JAKMIP2: variants seen among roughly 807,000 people sequenced by gnomAD.
The protein encoded by JAKMIP2 is janus kinase and microtubule-interacting protein 2.
A neutral mutation model predicts 115.0 loss-of-function variants in JAKMIP2; 25 were observed. That is an observed-to-expected ratio of 0.22 (90% confidence interval 0.16 to 0.30). The LOEUF (loss-of-function observed/expected upper bound fraction) is 0.30. JAKMIP2 is among the 10% of genes least tolerant of loss of function. The pLI is 1.00. For synonymous variants in JAKMIP2, 334 were observed against 343.6 expected (o/e 0.97, Z 0.31); for missense variants, 642 against 957.6 (o/e 0.67, Z 4.35).
At chr5:147,717,759 G>T (rs1307760845) in intron 1 of JAKMIP2, among the ~76,000 whole-genome samples, 3 of 143,962 alleles carry the variant, frequency 2.1e-5, no homozygotes, top group African/African-American at 7.7e-5. Context: ...GAGACAATGG[G>T]GTTTTCTAGA....
In JAKMIP2 at chr5:147,588,394, TCA is replaced by T. The variant is rs1048102866; in HGVS notation, c.*3311_*3312del. 5 of 151,038 alleles carry T rather than the reference TCA, an allele frequency of 3.3e-5. No homozygotes were observed. The highest frequency in any genetic ancestry group is 7.4e-5 in the Non-Finnish European group (5 of 67,822). 9.4% of individuals were successfully genotyped at this position (151,038 alleles called of 1,614,324 possible). A position where few individuals can be genotyped will look rare whatever the true frequency, so the allele number is the denominator to read the frequency against. ...TGCAGAAGTGGGGCCACAGGAAATC[TCA>T]GTTATTGATAACTTTTTTTTTTTTT... On this transcript the variant is annotated 3_prime_UTR_variant, in exon 22 of 22. Coordinates refer to ENST00000616793, the MANE Select transcript of JAKMIP2 (RefSeq NM_001270941.2).
chr5:147,665,498 G>C (rs1759250281), intron 2 of JAKMIP2, among the ~76,000 whole-genome samples: 1 of 152,174 alleles, frequency 6.6e-6, no homozygotes, highest in African/African-American at 2.4e-5. Context: ...TAGGCATCTG[G>C]AACAGTATCA....
At chr5:147,771,184 T>C (rs1755340345) in intron 1 of JAKMIP2, among the ~76,000 whole-genome samples, 1 of 152,142 alleles carries the variant, frequency 6.6e-6, no homozygotes, top group African/African-American at 2.4e-5. Context: ...TTAGCTTATT[T>C]GTTAAGAGCA....
chr5:147,662,161 TACAC>T (rs61492351), intron 2 of JAKMIP2, among the ~76,000 whole-genome samples: 4 of 147,042 alleles, frequency 2.7e-5, no homozygotes, highest in South Asian at 2.2e-4. Context: ...CCCCAAGTTT[TACAC>T]ACACACACAC....
intron 1 of JAKMIP2, among the ~76,000 whole-genome samples, chr5:147,721,733 A>T (rs973316800): frequency 6.6e-6 from 1 of 151,810 alleles, no homozygotes; most frequent in African/African-American, 2.4e-5. Context: ...GCACCCACTG[A>T]CCTGCGCCTG....
chr5:147,715,012 T>C (rs541735248), intron 1 of JAKMIP2, among the ~76,000 whole-genome samples: 1 of 152,158 alleles, frequency 6.6e-6, no homozygotes, highest in African/African-American at 2.4e-5. Context: ...ATTATAATCA[T>C]AAAGTGATAG....
intron 2 of JAKMIP2, among the ~76,000 whole-genome samples, chr5:147,670,421 C>T (rs1039298237): frequency 6.6e-6 from 1 of 152,068 alleles, no homozygotes; most frequent in Non-Finnish European, 1.5e-5. Flanking sequence ...ATGGTGGTCT[C>T]TGGTTTGCAA....
chr5:147,752,381 T>C (rs1389683547), intron 1 of JAKMIP2, among the ~76,000 whole-genome samples: 2 of 152,150 alleles, frequency 1.3e-5, no homozygotes, highest in African/African-American at 4.8e-5. Flanking sequence ...GACATGACCA[T>C]ATTTCATTTT....
chr5:147,731,654 G>A (rs140512449), intron 1 of JAKMIP2, among the ~76,000 whole-genome samples: 6 of 152,158 alleles, frequency 3.9e-5, no homozygotes, highest in East Asian at 3.9e-4. Flanking sequence ...TAAATTAATC[G>A]TCATGTTTAC....
intron 1 of JAKMIP2, among the ~76,000 whole-genome samples, chr5:147,728,793 G>A (rs1271074410): frequency 2.6e-5 from 4 of 152,142 alleles, no homozygotes; most frequent in African/African-American, 7.2e-5. Context: ...AATGCTTTAA[G>A]GTCATAAACT....
At chr5:147,635,029 T>C (rs1757544497) in intron 12 of JAKMIP2, among the ~76,000 whole-genome samples, 1 of 152,150 alleles carries the variant, frequency 6.6e-6, no homozygotes, top group African/African-American at 2.4e-5. Context: ...TAATTTAAAT[T>C]AGTCAGATGT....
chr5:147,756,439 G>A (rs1159842203), intron 1 of JAKMIP2, among the ~76,000 whole-genome samples: 1 of 152,142 alleles, frequency 6.6e-6, no homozygotes, highest in Non-Finnish European at 1.5e-5. Context: ...CTTTGTTCAT[G>A]AAAAGTTCTC....
intron 1 of JAKMIP2, among the ~76,000 whole-genome samples, chr5:147,757,999 A>G (rs1397226986): frequency 9.9e-5 from 15 of 152,148 alleles, no homozygotes; most frequent in Admixed American, 9.8e-4. Flanking sequence ...AAACTCATGC[A>G]TAAGCTGTAT....
At chr5:147,749,330 C>G (rs1400974087) in intron 1 of JAKMIP2, among the ~76,000 whole-genome samples, 1 of 152,064 alleles carries the variant, frequency 6.6e-6, no homozygotes, top group African/African-American at 2.4e-5. Flanking sequence ...TTGATTCTTA[C>G]AGCAGAATGA....
rs563029678 is a variant in JAKMIP2 at position 147,588,811 on chromosome 5, C to A, written c.*2896G>T. 5.9e-5 allele frequency: 9 copies of A among 152,152 alleles called. No individual in the cohort carries two copies. The South Asian group carries it at 1.9e-3, about 32-fold the overall frequency. 9.4% of individuals were successfully genotyped at this position (152,152 alleles called of 1,614,324 possible). On this transcript the variant is annotated 3_prime_UTR_variant, in exon 22 of 22. Transcript: ENST00000616793. ...AGATAAGCAGATTAGGTATATAAAC[C>A]ATACCACTTTTTCAAAAATTTTCAA... is the stretch of plus-strand genomic sequence containing the variant.
chr5:147,640,161 C>A (rs1757814132), intron 9 of JAKMIP2, among the ~76,000 whole-genome samples: 1 of 152,026 alleles, frequency 6.6e-6, no homozygotes, highest in Non-Finnish European at 1.5e-5. Flanking sequence ...TGTTTTTTCC[C>A]CCAGATAAAT....
intron 1 of JAKMIP2, among the ~76,000 whole-genome samples, chr5:147,676,347 T>A (rs1759963966): frequency 6.6e-6 from 1 of 151,920 alleles, no homozygotes; most frequent in South Asian, 2.1e-4. Flanking sequence ...AAAAATAAAA[T>A]AAAATAAAAG....
chr5:147,654,549 T>C (rs1369981828), intron 3 of JAKMIP2, among the ~76,000 whole-genome samples: 2 of 152,198 alleles, frequency 1.3e-5, no homozygotes, highest in East Asian at 3.9e-4. Flanking sequence ...TTTGTGATTT[T>C]TGCACATTGC....
At chr5:147,763,744 G>A (rs892331458) in intron 1 of JAKMIP2, among the ~76,000 whole-genome samples, 4 of 152,108 alleles carry the variant, frequency 2.6e-5, no homozygotes, top group South Asian at 4.1e-4. Flanking sequence ...GGCACTTTGA[G>A]CTTTAATGTA....
Sources: allele counts gnomAD v4.1 joint callset (sites outside exome capture counted in the v4.1 genomes callset), GRCh38; gene constraint gnomAD v4.1.1; transcripts MANE v1.5; gene names NCBI Gene and HGNC (gene_info 2026-07-23, HGNC 2026-07-21).